Variants in KIF21A observed in about 807,000 individuals in gnomAD.
KIF21A encodes kinesin-like protein KIF21A.
In KIF21A, 114 loss-of-function variants were observed where a neutral mutation model predicts 202.9. That is an observed-to-expected ratio of 0.56 (90% CI 0.48 to 0.66). The LOEUF (loss-of-function observed/expected upper bound fraction) is 0.66, where lower values mean the gene tolerates loss of function less well. KIF21A is among the 30% of genes least tolerant of loss of function. The probability of loss-of-function intolerance (pLI) is 0.00; values close to 1 mark genes in which losing one functional copy is unlikely to be tolerated. For missense variants in KIF21A, 1,677 were observed against 1,994.9 expected (o/e 0.84, Z 3.04); for synonymous variants, 667 against 670.8 (o/e 0.99, Z 0.09).
At chr12:39,300,205 C>A (rs1942838151) in intron 37 of KIF21A, among the ~76,000 whole-genome samples, 6 of 152,156 alleles carry the variant, frequency 3.9e-5, no homozygotes, top group Non-Finnish European at 8.8e-5. Flanking sequence ...CCAGGCCTCA[C>A]TGATACACAA....
At position 39,336,717 on chromosome 12, in the gene KIF21A, C is replaced by G. The variant is rs113373475; in HGVS notation, c.2418+379G>C. Among the ~76,000 whole-genome samples, 956 of 152,164 alleles carry G rather than the reference C, an allele frequency of 6.3e-3. 12 individuals are homozygous for G. Among genetic ancestry groups the G allele is most frequent in the African/African-American group, 0.022 (911 of 41,522 alleles). ...TTCTAATAAGGGCTGGTTGTTAACT[C>G]TAGGATTATTTATAAGTACCTCTAG... is the stretch of plus-strand genomic sequence containing the variant. On this transcript the variant is annotated intron_variant, in intron 17 of 37. Coordinates refer to ENST00000361418, the MANE Select transcript of KIF21A (RefSeq NM_001173464.2).
chr12:39,368,122 G>T (rs1028749333), intron 3 of KIF21A, 90 bp from the exon 4 acceptor site: 1 of 779,326 alleles, frequency 1.3e-6, no homozygotes, highest in Non-Finnish European at 2.1e-6. Flanking sequence ...CCTTCATACA[G>T]ATTTTTAAAG....
Position 39,326,337 on chromosome 12 carries a change from G to A in KIF21A, c.3341-13C>T. On this transcript the variant is annotated splice_polypyrimidine_tract_variant and intron_variant, in intron 24 of 37. Coordinates refer to ENST00000361418, the MANE Select transcript of KIF21A (RefSeq NM_001173464.2). ...TCCTCTACATTTTCTACAAAAAAAT[G>A]TTTAAAATGTAAGCATTATCCCCAT... 2 of 1,582,078 alleles carry A rather than the reference G, an allele frequency of 1.3e-6. No individual in the cohort carries two copies. The highest frequency in any genetic ancestry group is 1.7e-6 in the Non-Finnish European group (2 of 1,151,232).
At chr12:39,341,682 A>T in intron 13 of KIF21A, 60 bp from the exon 14 acceptor site, 1 of 1,528,678 alleles carries the variant, frequency 6.5e-7, no homozygotes, top group Non-Finnish European at 8.8e-7. Flanking sequence ...TGACTCCCTC[A>T]TTGAGAGAGG....
chr12:39,369,146 A>G (rs903129867), intron 3 of KIF21A, among the ~76,000 whole-genome samples: 5 of 152,170 alleles, frequency 3.3e-5, no homozygotes, highest in Non-Finnish European at 7.4e-5. Context: ...CTAAATTACA[A>G]CAGTAATAAC....
At chr12:39,358,135 C>T in intron 8 of KIF21A, 43 bp downstream of exon 8, 2 of 1,545,728 alleles carry the variant, frequency 1.3e-6, no homozygotes, top group Non-Finnish European at 1.8e-6. Flanking sequence ...AAGTGCCAGC[C>T]TTAGATGTAT....
At chr12:39,343,271 A>C (rs1947600141) in intron 12 of KIF21A, among the ~76,000 whole-genome samples, 1 of 152,060 alleles carries the variant, frequency 6.6e-6, no homozygotes, top group Non-Finnish European at 1.5e-5. Flanking sequence ...GGGGCAGGAG[A>C]ATCGCTTGAA....
chr12:39,341,563 TTCC>T lies in KIF21A; in HGVS notation c.1860_1862del (p.Glu621del), dbSNP rs750450259. 4.1e-4 allele frequency: 661 copies of T among 1,595,522 alleles called. No individual in the cohort carries two copies. Among genetic ancestry groups the T allele is most frequent in the Middle Eastern group, 6.6e-4 (4 of 6,050 alleles). ...AACTTTCACCCCCATCAATGTCATCTTCCTCCTCCTCCTCCTCCTCTTCTTCAT... is the reference window on the plus strand; with the variant it reads ...AACTTTCACCCCCATCAATGTCATCTTCCTCCTCCTCCTCCTCTTCTTCAT... On this transcript the variant is annotated inframe_deletion, in exon 14 of 38. Coordinates refer to ENST00000361418, the MANE Select transcript of KIF21A (RefSeq NM_001173464.2).
intron 11 of KIF21A, 132 bp from the exon 12 acceptor site, chr12:39,346,636 A>G (rs1159233749): frequency 1.9e-6 from 1 of 514,438 alleles, no homozygotes; most frequent in South Asian, 5.5e-5. Flanking sequence ...TTTAAAAGAT[A>G]TCATCAAAGG....
chr12:39,297,198 G>T (rs920689587), intron 37 of KIF21A, among the ~76,000 whole-genome samples: 5 of 152,134 alleles, frequency 3.3e-5, no homozygotes, highest in African/African-American at 9.7e-5. Flanking sequence ...GAATGAGCAG[G>T]TTTCTTGAAA....
Position 39,311,498 on chromosome 12 carries a change from A to C in KIF21A, c.4015T>G (p.Cys1339Gly), listed in dbSNP as rs1472747319. 2 of 1,612,966 alleles carry C rather than the reference A, an allele frequency of 1.2e-6. No homozygotes were observed. Among genetic ancestry groups the C allele is most frequent in the Non-Finnish European group, 8.5e-7 (1 of 1,179,020 alleles). ...SKGIRAFPLQCIHIAEGHTKA... is the reference protein window; with the variant it reads ...SKGIRAFPLQGIHIAEGHTKA... ...GTATGCCCTTCAGCTATGTGAATAC[A>C]CTGAAGTGGAAAAGCTCTGATTCCT... The change falls in exon 32 of 38, where the codon TGT becomes GGT. Residue 1339 changes from cysteine (C) to glycine (G), a missense_variant. Around this residue, in one of 3 missense-constraint regions of KIF21A, gnomAD observed 705 missense variants for 791.9 expected, o/e 0.89. Coordinates refer to ENST00000361418, the MANE Select transcript of KIF21A (RefSeq NM_001173464.2).
At chr12:39,339,319 G>C (rs1947253583) in intron 16 of KIF21A, among the ~76,000 whole-genome samples, 1 of 151,234 alleles carries the variant, frequency 6.6e-6, no homozygotes, top group South Asian at 2.1e-4. Context: ...GATATGTTTA[G>C]ATACACAAAT....
At chr12:39,295,676 AGCAT>A (rs1000643786) in intron 37 of KIF21A, among the ~76,000 whole-genome samples, 2 of 150,450 alleles carry the variant, frequency 1.3e-5, no homozygotes, top group African/African-American at 4.9e-5. Flanking sequence ...CTACATGCCA[AGCAT>A]GCTTGGGATA....
At chr12:39,435,719 T>C (rs941250973) in intron 1 of KIF21A, among the ~76,000 whole-genome samples, 5 of 147,478 alleles carry the variant, frequency 3.4e-5, no homozygotes, top group Non-Finnish European at 7.5e-5. Flanking sequence ...ATTACTGCAA[T>C]GTGCCATAAT....
intron 24 of KIF21A, 138 bp from the exon 25 acceptor site, chr12:39,326,462 A>G (rs1278665177): frequency 1.3e-5 from 9 of 696,666 alleles, no homozygotes; most frequent in Admixed American, 1.2e-4. Flanking sequence ...ATCTAAATAG[A>G]CAGAATTGTA....
intron 24 of KIF21A, among the ~76,000 whole-genome samples, chr12:39,326,816 A>G (rs1331535216): frequency 6.6e-6 from 1 of 152,222 alleles, no homozygotes; most frequent in Non-Finnish European, 1.5e-5. Context: ...ATTTTTGCCT[A>G]CATACAGAGA....
At position 39,363,082 on chromosome 12, in the gene KIF21A, A is replaced by G; in HGVS notation, c.1019+16T>C. On this transcript the variant is annotated intron_variant, in intron 7 of 37. Coordinates refer to ENST00000361418, the MANE Select transcript of KIF21A (RefSeq NM_001173464.2). ...ATAATCAAAAGTCTGAGTAGAGGATAATCATCTATGCATACCTATTACCCC... is the reference window on the plus strand; with the variant it reads ...ATAATCAAAAGTCTGAGTAGAGGATGATCATCTATGCATACCTATTACCCC... 7.2e-7 allele frequency: 1 copy of G among 1,394,088 alleles called. No individual in the cohort carries two copies. Among genetic ancestry groups the G allele is most frequent in the East Asian group, 2.3e-5 (1 of 43,734 alleles). The allele number at this position is 1,394,088 out of a possible 1,614,324, so 86.4% of individuals were successfully genotyped here. A position where few individuals can be genotyped will look rare whatever the true frequency, so the allele number is the denominator to read the frequency against.
intron 25 of KIF21A, 58 bp downstream of exon 25, chr12:39,326,206 T>C: frequency 1.6e-6 from 2 of 1,231,956 alleles, no homozygotes; most frequent in Non-Finnish European, 2.4e-6. Flanking sequence ...TGATACAAGA[T>C]GAAAGTATTT....
chr12:39,346,522 A>G lies in KIF21A; in HGVS notation c.1674-18T>C. ...TCTGTAGCCTTCAAAATCACGAGGC[A>G]CAGTATTGGAAGGCCAAGCCAATGA... is the stretch of plus-strand genomic sequence containing the variant. On this transcript the variant is annotated intron_variant, in intron 11 of 37. Transcript: ENST00000361418. 6.8e-7 allele frequency: 1 copy of G among 1,472,278 alleles called. No individual in the cohort carries two copies. Among genetic ancestry groups the G allele is most frequent in the South Asian group, 1.4e-5 (1 of 70,830 alleles). 91.2% of individuals were successfully genotyped at this position (1,472,278 alleles called of 1,614,324 possible).
Sources: allele counts gnomAD v4.1 joint callset (sites outside exome capture counted in the v4.1 genomes callset), GRCh38; gene constraint gnomAD v4.1.1; regional missense constraint gnomAD v4.1.1; transcripts MANE v1.5; gene names NCBI Gene and HGNC (gene_info 2026-07-23, HGNC 2026-07-21).